The following CABIN1 variants were observed in gnomAD, a reference collection of about 807,000 sequenced individuals.
CABIN1 encodes calcineurin-binding protein cabin-1.
CABIN1 carries 133 observed loss-of-function variants against 227.7 expected under a neutral mutation model. The ratio of observed to expected loss-of-function variants is 0.58; its 90% CI spans 0.51 to 0.67. The LOEUF (loss-of-function observed/expected upper bound fraction) is 0.67. Among genes scored for constraint, CABIN1 ranks in the 30% least tolerant of loss-of-function variants. The pLI is 0.00. For missense variants in CABIN1, 2,408 were observed against 2,852.5 expected (o/e 0.84, Z 3.55); for synonymous variants, 1,086 against 1,155.1 (o/e 0.94, Z 1.21).
At chr22:24,048,891 T>G (rs2038103634) in intron 6 of CABIN1, among the ~76,000 whole-genome samples, 200 bp from the exon 7 acceptor site, 1 of 152,228 alleles carries the variant, frequency 6.6e-6, no homozygotes, top group African/African-American at 2.4e-5. Context: ...TGCCAGAATC[T>G]TTGGGTCTGC....
intron 30 of CABIN1, among the ~76,000 whole-genome samples, chr22:24,164,946 C>T (rs1217761658): frequency 2.6e-5 from 4 of 152,262 alleles, no homozygotes; most frequent in South Asian, 2.1e-4. Flanking sequence ...GTGGGGTGAG[C>T]GACAGGGGTG....
intron 23 of CABIN1, among the ~76,000 whole-genome samples, chr22:24,090,642 G>C (rs1007318711): frequency 2.0e-5 from 3 of 151,620 alleles, no homozygotes; most frequent in African/African-American, 7.3e-5. Context: ...CCACTGGAGA[G>C]ACATCCAAGG....
chr22:24,016,468 G>A (rs1026194444), intron 1 of CABIN1, among the ~76,000 whole-genome samples: 2 of 152,148 alleles, frequency 1.3e-5, no homozygotes, highest in Non-Finnish European at 2.9e-5. Flanking sequence ...TTTTACAGCT[G>A]CATAGTACTT....
chr22:24,123,047 T>C (rs114832128), intron 28 of CABIN1, among the ~76,000 whole-genome samples: 304 of 152,216 alleles, frequency 2.0e-3, no homozygotes, highest in Middle Eastern at 6.8e-3. Flanking sequence ...ACACTCATAG[T>C]TTGCCATTTT....
At chr22:24,152,224 A>G (rs953798788) in intron 29 of CABIN1, among the ~76,000 whole-genome samples, 8 of 152,198 alleles carry the variant, frequency 5.3e-5, no homozygotes, top group African/African-American at 1.9e-4. Flanking sequence ...TGTCTTCCTC[A>G]TCTCTGCGTC....
Position 24,091,856 on chromosome 22 carries a change from T to A in CABIN1, c.3786+13T>A. 1 of 1,611,926 alleles carries A rather than the reference T, an allele frequency of 6.2e-7. No homozygotes were observed. Among genetic ancestry groups the A allele is most frequent in the South Asian group, 1.1e-5 (1 of 91,074 alleles). Reference sequence around the variant, plus strand: ...GGAGGCCCTGGAGGTGACACCATGCTGGCCCAGGGCGGGGAAGCAGGGCAG... The same window carrying A: ...GGAGGCCCTGGAGGTGACACCATGCAGGCCCAGGGCGGGGAAGCAGGGCAG... On this transcript the variant is annotated intron_variant, in intron 24 of 36. Transcript: ENST00000263119.
intron 1 of CABIN1, among the ~76,000 whole-genome samples, chr22:24,017,236 A>G (rs565596626): frequency 6.6e-6 from 1 of 151,944 alleles, no homozygotes; most frequent in South Asian, 2.1e-4. Context: ...ACAGGGTTTC[A>G]CTGTGTTAGC....
At chr22:24,036,368 A>G (rs2036889279) in intron 3 of CABIN1, among the ~76,000 whole-genome samples, 187 bp downstream of exon 3, 1 of 152,170 alleles carries the variant, frequency 6.6e-6, no homozygotes, top group Non-Finnish European at 1.5e-5. Flanking sequence ...AGGAGAAATT[A>G]TATTTATTCT....
Position 24,054,485 on chromosome 22 carries a change from G to A in CABIN1, c.807-388G>A, listed in dbSNP as rs117561587. Among the ~76,000 whole-genome samples the A allele has an allele frequency of 5.4e-4, 82 of 152,292 alleles. No homozygotes were observed. In the East Asian group the frequency reaches 0.014, roughly 27 times the overall value. ...CAGGCTCTCCGCATAAAACAGATTC[G>A]TGGCAGCAGGGGAGTTCCACAAGTG... is the stretch of plus-strand genomic sequence containing the variant. On this transcript the variant is annotated intron_variant, in intron 8 of 36. Coordinates refer to ENST00000263119, the MANE Select transcript of CABIN1 (RefSeq NM_012295.4).
At chr22:24,041,412 G>T in intron 5 of CABIN1, 139 bp downstream of exon 5, 1 of 1,061,750 alleles carries the variant, frequency 9.4e-7, no homozygotes, top group Non-Finnish European at 1.4e-6. Context: ...CTCTAGGGTA[G>T]GTCCATAGGT....
At chr22:24,049,918 C>CT (rs1302956183) in intron 7 of CABIN1, among the ~76,000 whole-genome samples, 1 of 152,134 alleles carries the variant, frequency 6.6e-6, no homozygotes, top group South Asian at 2.1e-4. Flanking sequence ...CCAAGAATAC[C>CT]TGCCCCTCCT....
chr22:24,122,115 A>G (rs2043450896), intron 28 of CABIN1, among the ~76,000 whole-genome samples: 1 of 138,160 alleles, frequency 7.2e-6, no homozygotes, highest in Non-Finnish European at 1.5e-5. Flanking sequence ...GAGCCAGTGC[A>G]TATAAAGTGC....
chr22:24,050,946 A>C lies in CABIN1; in HGVS notation c.778A>C (p.Lys260Gln), dbSNP rs2038284044. ...LIVREKEPDLKLVQPIPFFTW... is the reference protein window; with the variant it reads ...LIVREKEPDLQLVQPIPFFTW... ...TGTGCGGGAGAAGGAGCCGGACCTGAAACTTGTGCAGCCCATTCCTTTCTT... is the reference window on the plus strand; with the variant it reads ...TGTGCGGGAGAAGGAGCCGGACCTGCAACTTGTGCAGCCCATTCCTTTCTT... The change falls in exon 8 of 37, where the codon AAA (lysine) becomes CAA (glutamine). Residue 260 changes from lysine (K) to glutamine (Q), a missense_variant. Coordinates refer to ENST00000263119, the MANE Select transcript of CABIN1 (RefSeq NM_012295.4). 6.2e-7 allele frequency: 1 copy of C among 1,614,108 alleles called. No homozygotes were observed.
At chr22:24,169,563 A>C (rs1415416502) in intron 33 of CABIN1, among the ~76,000 whole-genome samples, 1 of 152,156 alleles carries the variant, frequency 6.6e-6, no homozygotes, top group Non-Finnish European at 1.5e-5. Flanking sequence ...AGAGTCCTTG[A>C]CAGGGAGTGC....
At chr22:24,041,604 G>A (rs1214578417) in intron 5 of CABIN1, among the ~76,000 whole-genome samples, 2 of 152,178 alleles carry the variant, frequency 1.3e-5, no homozygotes, top group African/African-American at 4.8e-5. Flanking sequence ...ATAAAGAAGA[G>A]CATAGTTGTG....
intron 29 of CABIN1, among the ~76,000 whole-genome samples, chr22:24,144,309 C>T (rs1375430801): frequency 2.0e-5 from 3 of 152,198 alleles, no homozygotes; most frequent in Non-Finnish European, 2.9e-5. Context: ...CCTTGCTCCT[C>T]CTTGCCTCTC....
intron 28 of CABIN1, among the ~76,000 whole-genome samples, chr22:24,132,289 C>T (rs1028726990): frequency 6.6e-6 from 1 of 152,206 alleles, no homozygotes; most frequent in Non-Finnish European, 1.5e-5. Flanking sequence ...CTGCTCTACT[C>T]ACTAATCTTT....
rs149101851 is a variant in CABIN1, at chr22:24,165,918, C to T, written c.5007+292C>T. On this transcript the variant is annotated intron_variant, in intron 31 of 36. Transcript: ENST00000263119. ...GCACCACCCAGGGCGGGGTCCCAAG[C>T]CCTCTCCCTGGCAGGCTGACCAAGG... 3.3e-5 allele frequency among the ~76,000 whole-genome samples: 5 copies of T among 152,344 alleles called. No homozygotes were observed. In the East Asian group the frequency reaches 9.6e-4, roughly 29 times the overall value.
At chr22:24,114,092 G>T (rs1166007608) in intron 27 of CABIN1, among the ~76,000 whole-genome samples, 2 of 151,180 alleles carry the variant, frequency 1.3e-5, no homozygotes, top group East Asian at 2.0e-4. Context: ...GTTGTTGTTG[G>T]TAAATGGTTA....
Sources: allele counts gnomAD v4.1 joint callset (sites outside exome capture counted in the v4.1 genomes callset), GRCh38; gene constraint gnomAD v4.1.1; transcripts MANE v1.5; gene names NCBI Gene and HGNC (gene_info 2026-07-23, HGNC 2026-07-21).